Variants in BMPR1B observed in about 807,000 individuals in gnomAD.
BMPR1B encodes bone morphogenetic protein receptor type 1B.
Under a neutral mutation model 59.1 loss-of-function variants are expected in BMPR1B, and 12 were observed. That is an observed-to-expected ratio of 0.20 (90% CI 0.13 to 0.33). BMPR1B has a LOEUF of 0.33. Among genes scored for constraint, BMPR1B ranks in the 10% least tolerant of loss-of-function variants. BMPR1B has a pLI of 1.00. For synonymous variants in BMPR1B, 237 were observed against 207.3 expected, an observed-to-expected ratio of 1.14 and a Z score of -1.23; for missense variants, 550 against 610.9, an observed-to-expected ratio of 0.90 and a Z score of 1.05.
chr4:94,872,770 T>G (rs887809508), intron 1 of BMPR1B, among the ~76,000 whole-genome samples: 4 of 152,202 alleles, frequency 2.6e-5, no homozygotes, highest in Non-Finnish European at 5.9e-5. Context: ...ATGTAAATAT[T>G]CAGCAGTAAA....
chr4:95,048,874 T>C (rs1315463658), intron 3 of BMPR1B, among the ~76,000 whole-genome samples: 1 of 152,216 alleles, frequency 6.6e-6, no homozygotes, highest in Non-Finnish European at 1.5e-5. Context: ...AGGGGCCTAA[T>C]ATGCCATTTA....
intron 2 of BMPR1B, among the ~76,000 whole-genome samples, chr4:94,898,797 C>G (rs934550621): frequency 6.6e-6 from 1 of 152,032 alleles, no homozygotes; most frequent in African/African-American, 2.4e-5. Flanking sequence ...ATTCATTTCT[C>G]TCAAGTGGTT....
intron 3 of BMPR1B, among the ~76,000 whole-genome samples, chr4:95,038,937 C>T (rs1461748624): frequency 1.3e-5 from 2 of 152,102 alleles, no homozygotes; most frequent in Non-Finnish European, 2.9e-5. Flanking sequence ...TTTCATTTGG[C>T]ATAAACCTTA....
chr4:94,989,404 C>CCA, intron 2 of BMPR1B, among the ~76,000 whole-genome samples: 1 of 132,370 alleles, frequency 7.6e-6, no homozygotes, highest in East Asian at 2.1e-4. Flanking sequence ...AAAAAAAAAA[C>CCA]AAAAAAAATC....
chr4:95,139,281 G>A lies in BMPR1B; in HGVS notation c.1076+7769G>A, dbSNP rs527384584. Among the ~76,000 whole-genome samples the A allele has an allele frequency of 2.9e-4, 44 of 152,264 alleles. 1 individual carries two copies. Among genetic ancestry groups the A allele is most frequent in the Admixed American group, 2.4e-3 (37 of 15,294 alleles). On this transcript the variant is annotated intron_variant, in intron 10 of 12. Transcript: ENST00000515059. ...GCCTGATCCTTCATCTGGAAGCTTC[G>A]TCTCAGAGGGGCACCTGGCTGTATG...
intron 1 of BMPR1B, among the ~76,000 whole-genome samples, chr4:94,862,231 G>C (rs1177473583): frequency 6.6e-6 from 1 of 151,754 alleles, no homozygotes; most frequent in Non-Finnish European, 1.5e-5. Flanking sequence ...GCTCACTGCA[G>C]TCGCATCTCC....
chr4:95,124,026 T>G (rs1052907506), intron 7 of BMPR1B, 120 bp downstream of exon 7: 5 of 697,630 alleles, frequency 7.2e-6, no homozygotes, highest in African/African-American at 3.6e-5. Flanking sequence ...TTAGATCTTA[T>G]AGTTAACTGA....
intron 10 of BMPR1B, among the ~76,000 whole-genome samples, chr4:95,140,009 G>A (rs879886480): frequency 1.1e-4 from 17 of 152,180 alleles, no homozygotes; most frequent in East Asian, 1.9e-4. Flanking sequence ...CATCTTCTGC[G>A]TCGCTCATGG....
At chr4:94,813,037 C>T (rs1358814496) in intron 1 of BMPR1B, among the ~76,000 whole-genome samples, 2 of 150,486 alleles carry the variant, frequency 1.3e-5, no homozygotes, top group African/African-American at 2.4e-5. Context: ...GGGTTTTTAA[C>T]CATTGTTCTA....
At position 95,123,857 on chromosome 4, in the gene BMPR1B, ACTGT is replaced by A. The variant is rs1560671891; in HGVS notation, c.402_405del (p.Cys135ValfsTer28). 3 of 1,612,068 alleles carry A rather than the reference ACTGT, an allele frequency of 1.9e-6. No homozygotes were observed. The highest frequency in any genetic ancestry group is 1.7e-6 in the Non-Finnish European group (2 of 1,179,334). ...CCACAGGGCTTTACTTATATCTGTG[ACTGT>A]CTGTAGTTTGCTCTTGGTCCTTATC... On this transcript the variant is annotated frameshift_variant, in exon 7 of 13. Transcript: ENST00000515059. LOFTEE classifies it high-confidence loss of function.
intron 11 of BMPR1B, 138 bp from the exon 12 acceptor site, chr4:95,152,505 A>T: frequency 1.5e-6 from 1 of 666,968 alleles, no homozygotes; most frequent in Admixed American, 3.6e-5. Flanking sequence ...ATATTTTTCA[A>T]GATTTATTTT....
intron 2 of BMPR1B, among the ~76,000 whole-genome samples, chr4:94,890,025 A>G (rs1045528539): frequency 6.6e-6 from 1 of 152,100 alleles, no homozygotes; most frequent in African/African-American, 2.4e-5. Context: ...GTGTGTTGGC[A>G]TCTAGCAAGT....
chr4:95,056,500 A>C (rs1044457906), intron 3 of BMPR1B, among the ~76,000 whole-genome samples: 2 of 152,170 alleles, frequency 1.3e-5, no homozygotes, highest in Non-Finnish European at 2.9e-5. Flanking sequence ...ATAAAGAAAA[A>C]CTAAAGGAAA....
chr4:94,976,778 G>T (rs1731049434), intron 2 of BMPR1B, among the ~76,000 whole-genome samples: 1 of 152,140 alleles, frequency 6.6e-6, no homozygotes, highest in Non-Finnish European at 1.5e-5. Flanking sequence ...GAAAATGAGA[G>T]GCTGTTATAT....
chr4:94,997,520 A>G (rs1456795332), intron 3 of BMPR1B, among the ~76,000 whole-genome samples: 2 of 152,212 alleles, frequency 1.3e-5, no homozygotes, highest in Non-Finnish European at 2.9e-5. Context: ...AAAATGTTTC[A>G]AAATTAATTT....
chr4:94,962,256 G>C (rs1730399237), intron 2 of BMPR1B, among the ~76,000 whole-genome samples: 1 of 151,730 alleles, frequency 6.6e-6, no homozygotes, highest in Admixed American at 6.6e-5. Flanking sequence ...TCTTGCCTCA[G>C]CCTCTTGTGT....
intron 1 of BMPR1B, among the ~76,000 whole-genome samples, chr4:94,812,878 T>C (rs1487737622): frequency 6.6e-6 from 1 of 152,218 alleles, no homozygotes; most frequent in African/African-American, 2.4e-5. Flanking sequence ...TTAAATACAG[T>C]TTATAGACCG....
At chr4:94,790,533 G>A (rs1722940999) in intron 1 of BMPR1B, among the ~76,000 whole-genome samples, 1 of 152,110 alleles carries the variant, frequency 6.6e-6, no homozygotes, top group Non-Finnish European at 1.5e-5. Flanking sequence ...GGCGTTCTCA[G>A]CCCCGCCTAG....
At chr4:95,069,612 T>C (rs1728122924) in intron 3 of BMPR1B, among the ~76,000 whole-genome samples, 1 of 152,186 alleles carries the variant, frequency 6.6e-6, no homozygotes, top group African/African-American at 2.4e-5. Context: ...CTCTCCAAAG[T>C]GCTTAGTATA....
Sources: gnomAD v4.1 joint callset for allele counts (sites outside exome capture counted in the v4.1 genomes callset) on GRCh38, gnomAD v4.1.1 for gene constraint, MANE v1.5 for transcripts, NCBI Gene and HGNC (gene_info 2026-07-23, HGNC 2026-07-21) for gene names.